Variants in LRP5 observed in about 807,000 individuals in gnomAD.
LRP5 encodes LDL receptor related protein 5.
In LRP5, 62 loss-of-function variants were observed where a neutral mutation model predicts 154.1. The ratio of observed to expected loss-of-function variants is 0.40; its 90% CI spans 0.33 to 0.50. The LOEUF is 0.50. LRP5 is among the 20% of genes least tolerant of loss of function. LRP5 has a pLI of 0.55. For missense variants in LRP5, 1,915 were observed against 2,336.7 expected (o/e 0.82, Z 3.72); for synonymous variants, 966 against 1,011.5 (o/e 0.96, Z 0.85).
At chr11:68,443,573 A>ATT (rs2098679640) in intron 21 of LRP5, among the ~76,000 whole-genome samples, 2 of 43,548 alleles carry the variant, frequency 4.6e-5, no homozygotes, top group Non-Finnish European at 8.4e-5. Flanking sequence ...ATATATATAT[A>ATT]TATATATATA....
In LRP5 at chr11:68,427,955, AT is replaced by A. The variant is rs2098669688; in HGVS notation, c.3638-1616del. ...CTTGGTCCATTTGCTATTTTATTTT[AT>A]TTTATTTTATTTTATTTTTTTTATT... On this transcript the variant is annotated intron_variant, in intron 16 of 22. Coordinates refer to ENST00000294304, the MANE Select transcript of LRP5 (RefSeq NM_002335.4). Among the ~76,000 whole-genome samples, 8 of 75,374 alleles carry A rather than the reference AT, an allele frequency of 1.1e-4. No homozygotes were observed. In the East Asian group the frequency reaches 3.1e-3, roughly 29 times the overall value. The allele number at this position is 75,374 out of a possible 152,430, so 49.4% of individuals were successfully genotyped here. A position where few individuals can be genotyped will look rare whatever the true frequency, so the allele number is the denominator to read the frequency against.
At chr11:68,397,910 G>A (rs1319730589) in intron 7 of LRP5, among the ~76,000 whole-genome samples, 1 of 151,856 alleles carries the variant, frequency 6.6e-6, no homozygotes, top group Non-Finnish European at 1.5e-5. Flanking sequence ...GCTGCACTGT[G>A]CTCCCAGGGA....
At chr11:68,393,767 G>A (rs2098647700) in intron 7 of LRP5, among the ~76,000 whole-genome samples, 1 of 152,178 alleles carries the variant, frequency 6.6e-6, no homozygotes, top group South Asian at 2.1e-4. Context: ...GGTGACAAGA[G>A]TGAAACTCCA....
Position 68,416,448 on chromosome 11 carries a change from A to G in LRP5, c.2948A>G (p.Asp983Gly). The stretch of plus-strand genomic sequence containing the variant: ...GGACTGAGGAACGTCAAAGCCATCG[A>G]CTATGACCCACTGGACAAGTTCATC... ...LHGLRNVKAI[D>G]YDPLDKFIYW... Residue 983 changes from aspartate (D) to glycine (G), a missense_variant, in exon 13 of 23, where the codon GAC becomes GGC. Physicochemically the swap from Asp to Gly is moderately conservative, Grantham distance 94. Transcript: ENST00000294304. 1 of 1,614,160 alleles carries G rather than the reference A, an allele frequency of 6.2e-7. No homozygotes were observed. Among genetic ancestry groups the G allele is most frequent in the Non-Finnish European group, 8.5e-7 (1 of 1,180,018 alleles).
intron 21 of LRP5, among the ~76,000 whole-genome samples, chr11:68,442,673 G>T (rs1429620319): frequency 1.3e-5 from 2 of 152,202 alleles, no homozygotes; most frequent in African/African-American, 4.8e-5. Flanking sequence ...CTGCTGTTCT[G>T]AGCATTTCGG....
At chr11:68,435,498 G>GAGAGAGAGAA (rs60672703) in intron 18 of LRP5, among the ~76,000 whole-genome samples, 1 of 151,648 alleles carries the variant, frequency 6.6e-6, no homozygotes, top group East Asian at 1.9e-4. Flanking sequence ...GAGAGAGAGA[G>GAGAGAGAGAA]CGCCTCTCCC....
chr11:68,310,385 C>T (rs148715897), upstream of LRP5, among the ~76,000 whole-genome samples: 102 of 152,190 alleles, frequency 6.7e-4, no homozygotes, highest in African/African-American at 2.3e-3. Flanking sequence ...TTTGGGAGGC[C>T]GAGGCAGGTG....
chr11:68,390,386 C>G (rs1274708494), intron 7 of LRP5, among the ~76,000 whole-genome samples: 1 of 152,242 alleles, frequency 6.6e-6, no homozygotes, highest in Non-Finnish European at 1.5e-5. Context: ...GCTTTTGCCA[C>G]TTACTGTGAG....
intron 7 of LRP5, among the ~76,000 whole-genome samples, chr11:68,401,855 G>GT (rs893856824): frequency 8.9e-4 from 134 of 151,052 alleles, no homozygotes; most frequent in Non-Finnish European, 1.1e-3. Flanking sequence ...TGCCCAGCTC[G>GT]TTTTTTTTTG....
Position 68,438,010 on chromosome 11 carries a change from G to C in LRP5, c.4112-436G>C, listed in dbSNP as rs1271813939. Among the ~76,000 whole-genome samples the C allele has an allele frequency of 2.6e-5, 4 of 152,340 alleles. No individual in the cohort carries two copies. The East Asian group carries it at 7.7e-4, about 29-fold the overall frequency. On this transcript the variant is annotated intron_variant, in intron 19 of 22. Transcript: ENST00000294304. ...AACTTCCCTATGGGCAGCCTTGATAGTGGAGTGGCCCAAGGAGCCCACCCA... is the reference window on the plus strand; with the variant it reads ...AACTTCCCTATGGGCAGCCTTGATACTGGAGTGGCCCAAGGAGCCCACCCA...
At chr11:68,348,348 C>A in intron 2 of LRP5, 105 bp downstream of exon 2, 1 of 1,472,644 alleles carries the variant, frequency 6.8e-7, no homozygotes, top group Non-Finnish European at 9.3e-7. Flanking sequence ...AAGGGTGTGA[C>A]TCTGAAAATG....
At chr11:68,366,125 C>T (rs1853176368) in intron 5 of LRP5, among the ~76,000 whole-genome samples, 1 of 152,100 alleles carries the variant, frequency 6.6e-6, no homozygotes, top group African/African-American at 2.4e-5. Flanking sequence ...GGGGATGCTC[C>T]CGGGCCTGGG....
At chr11:68,302,203 T>C in the LRP5 span, among the ~76,000 whole-genome samples, 2 of 151,660 alleles carry the variant, frequency 1.3e-5, no homozygotes, top group East Asian at 2.0e-4. Flanking sequence ...AAAAATTAGC[T>C]GGGCGTGGTG....
chr11:68,442,751 A>G (rs1471296065), intron 21 of LRP5, among the ~76,000 whole-genome samples: 1 of 152,114 alleles, frequency 6.6e-6, no homozygotes, highest in Non-Finnish European at 1.5e-5. Context: ...AGGAGGTGCT[A>G]TTGTTTTCCT....
intron 7 of LRP5, among the ~76,000 whole-genome samples, chr11:68,397,996 G>GTGTGTGTGTGTGTA (rs2098650466): frequency 6.6e-6 from 1 of 151,936 alleles, no homozygotes; most frequent in Non-Finnish European, 1.5e-5. Flanking sequence ...GTGTGTGTGT[G>GTGTGTGTGTGTGTA]TGTGTGTGTG....
rs140955013 is a variant in LRP5, at chr11:68,410,117, G to C, written c.2295G>C (p.Ser765=). The change falls in exon 10 of 23, where the codon TCG becomes TCC. Residue 765 remains serine, a synonymous_variant. Transcript: ENST00000294304. ...GGAGGGACTTGGACAACCCGAGGTC[G>C]CTGGCCCTGGATCCCACCAAGGGGT... The part of the protein sequence containing the change: ...LVWRDLDNPR[S]LALDPTKGYI... The C allele has an allele frequency of 2.5e-6, 4 of 1,613,790 alleles. No individual in the cohort carries two copies. The East Asian group carries it at 6.7e-5, about 27-fold the overall frequency.
chr11:68,352,438 G>A (rs559687748), intron 2 of LRP5, among the ~76,000 whole-genome samples: 2 of 152,136 alleles, frequency 1.3e-5, no homozygotes, highest in Non-Finnish European at 2.9e-5. Flanking sequence ...CCCTTTCCTC[G>A]CCACCAGAAG....
intron 22 of LRP5, among the ~76,000 whole-genome samples, chr11:68,448,402 C>T (rs912461529): frequency 1.3e-5 from 2 of 152,238 alleles, no homozygotes; most frequent in Non-Finnish European, 2.9e-5. Context: ...TTTCTAGCAC[C>T]TTCCAGGCAG....
At chr11:68,416,649 T>C in intron 13 of LRP5, 122 bp downstream of exon 13, 1 of 905,246 alleles carries the variant, frequency 1.1e-6, no homozygotes, top group Non-Finnish European at 1.8e-6. Context: ...GGGTGAATGA[T>C]GACTTGGGCT....
Sources: gnomAD v4.1 joint callset for allele counts (sites outside exome capture counted in the v4.1 genomes callset) on GRCh38, gnomAD v4.1.1 for gene constraint, MANE v1.5 for transcripts, NCBI Gene and HGNC (gene_info 2026-07-23, HGNC 2026-07-21) for gene names.